COL13A1: variants seen among roughly 807,000 people sequenced by gnomAD.
The protein encoded by COL13A1 is collagen alpha-1(XIII) chain.
A neutral mutation model predicts 130.9 loss-of-function variants in COL13A1; 89 were observed. That is an observed-to-expected ratio of 0.68 (90% CI 0.57 to 0.81). The LOEUF (loss-of-function observed/expected upper bound fraction) is 0.81. Ranked by LOEUF, COL13A1 falls within the 30% of genes least tolerant of loss-of-function variation. COL13A1 has a pLI of 0.00. For synonymous variants in COL13A1, 402 were observed against 341.6 expected, an observed-to-expected ratio of 1.18 and a Z score of -1.95; for missense variants, 879 against 934.6, an observed-to-expected ratio of 0.94 and a Z score of 0.78.
intron 39 of COL13A1, chr10:69,954,966 A>G (rs1480533102): frequency 6.6e-6 from 1 of 152,270 alleles, no homozygotes; most frequent in African/African-American, 2.4e-5. Context: ...TGATCCTCTT[A>G]CTGCAAAAGA....
intron 36 of COL13A1, among the ~76,000 whole-genome samples, chr10:69,944,535 T>A (rs1199442026): frequency 6.6e-6 from 1 of 152,064 alleles, no homozygotes; most frequent in African/African-American, 2.4e-5. Flanking sequence ...GGTGCACACC[T>A]CTAGTCCTAG....
chr10:69,954,626 T>C (rs1164575154), intron 39 of COL13A1, among the ~76,000 whole-genome samples: 1 of 152,200 alleles, frequency 6.6e-6, no homozygotes, highest in African/African-American at 2.4e-5. Context: ...ACCTGCCTAT[T>C]CTTCCAGGTT....
intron 2 of COL13A1, among the ~76,000 whole-genome samples, chr10:69,863,920 T>A (rs1188693335): frequency 6.6e-6 from 1 of 151,844 alleles, no homozygotes; most frequent in Non-Finnish European, 1.5e-5. Context: ...TTACAAAAAA[T>A]ACAGAAATTA....
chr10:69,906,206 C>G (rs1489539403), intron 17 of COL13A1, among the ~76,000 whole-genome samples: 1 of 152,254 alleles, frequency 6.6e-6, no homozygotes, highest in Non-Finnish European at 1.5e-5. Flanking sequence ...GGGAAATATT[C>G]TGGGAGAAGA....
intron 2 of COL13A1, among the ~76,000 whole-genome samples, chr10:69,837,432 G>T (rs909706466): frequency 4.6e-5 from 7 of 152,192 alleles, no homozygotes; most frequent in Non-Finnish European, 1.0e-4. Flanking sequence ...GCCAAGCTGG[G>T]CACCTGGTTC....
chr10:69,925,258 C>T (rs1157373530), intron 25 of COL13A1, among the ~76,000 whole-genome samples: 3 of 152,062 alleles, frequency 2.0e-5, no homozygotes, highest in African/African-American at 7.2e-5. Context: ...GAGCAAGTAG[C>T]GGAATAGTTG....
chr10:69,839,403 A>G (rs117419351), intron 2 of COL13A1, among the ~76,000 whole-genome samples: 1 of 110,984 alleles, frequency 9.0e-6, no homozygotes, highest in Non-Finnish European at 2.1e-5. Flanking sequence ...GATTCCCCCC[A>G]CGGCCCACTT....
At chr10:69,957,887 C>T (rs568970830) in intron 40 of COL13A1, among the ~76,000 whole-genome samples, 2 of 152,164 alleles carry the variant, frequency 1.3e-5, no homozygotes, top group Non-Finnish European at 2.9e-5. Flanking sequence ...ATAAAGGGAC[C>T]GGAGACTCCA....
At chr10:69,830,607 A>T (rs1848594167) in intron 2 of COL13A1, among the ~76,000 whole-genome samples, 1 of 152,240 alleles carries the variant, frequency 6.6e-6, no homozygotes, top group Admixed American at 6.5e-5. Flanking sequence ...GAAATGGTAA[A>T]CATCAAATTC....
chr10:69,897,333 T>G, intron 13 of COL13A1: 1 of 765,832 alleles, frequency 1.3e-6, no homozygotes, highest in Non-Finnish European at 2.0e-6. Context: ...GAAATCCAGG[T>G]GGCCCCTCCT....
chr10:69,904,741 C>T (rs2062564126), intron 15 of COL13A1, among the ~76,000 whole-genome samples, 192 bp from the exon 16 acceptor site: 1 of 152,140 alleles, frequency 6.6e-6, no homozygotes, highest in Non-Finnish European at 1.5e-5. Context: ...AGCCTGTTAT[C>T]CCCACGTGCC....
intron 10 of COL13A1, among the ~76,000 whole-genome samples, chr10:69,893,113 G>C (rs1163916899): frequency 6.6e-6 from 1 of 152,250 alleles, no homozygotes; most frequent in East Asian, 1.9e-4. Context: ...AACTCTGGGA[G>C]GCCAGCACGG....
Position 69,840,097 on chromosome 10 carries a change from C to T in COL13A1, c.364+17659C>T, listed in dbSNP as rs531178056. On this transcript the variant is annotated intron_variant, in intron 2 of 40. Transcript: ENST00000645393. ...GATTTTGGGTATGTGCTAGAGGTGACGCTAGCAGGCCTTGCTGATGGGCTG... is the reference window on the plus strand; with the variant it reads ...GATTTTGGGTATGTGCTAGAGGTGATGCTAGCAGGCCTTGCTGATGGGCTG... 9.2e-5 allele frequency among the ~76,000 whole-genome samples: 14 copies of T among 152,200 alleles called. No homozygotes were observed. The East Asian group carries it at 2.3e-3, about 25-fold the overall frequency.
At position 69,818,872 on chromosome 10, in the gene COL13A1, C is replaced by T. The variant is rs527819508; in HGVS notation, c.295-3497C>T. 1.5e-4 allele frequency among the ~76,000 whole-genome samples: 23 copies of T among 152,340 alleles called. No individual in the cohort carries two copies. In the South Asian group the frequency reaches 3.7e-3, roughly 25 times the overall value. ...TGAGTCTACTAATTCCAGTGCTAAT[C>T]GACATACCTAGAAAGAATGTTTTCC... On this transcript the variant is annotated intron_variant, in intron 1 of 40. Coordinates refer to ENST00000645393, the MANE Select transcript of COL13A1 (RefSeq NM_001368882.1).
At position 69,905,672 on chromosome 10, in the gene COL13A1, G is replaced by T. The variant is rs2062675970; in HGVS notation, c.886-115G>T. 5 of 1,130,842 alleles carry T rather than the reference G, an allele frequency of 4.4e-6. No homozygotes were observed. In the Admixed American group the frequency reaches 7.9e-5, roughly 18 times the overall value. The allele number at this position is 1,130,842 out of a possible 1,614,324, so 70.1% of individuals were successfully genotyped here. On this transcript the variant is annotated intron_variant, in intron 16 of 40. Transcript: ENST00000645393. ...AAGGCTGGAGATGGGTGTTGAAGGG[G>T]CAGTGGAACTTGGAGTCATCGAGAG...
chr10:69,849,556 C>T (rs1854137906), intron 2 of COL13A1, among the ~76,000 whole-genome samples: 1 of 152,322 alleles, frequency 6.6e-6, no homozygotes, highest in South Asian at 2.1e-4. Context: ...TTTCACATCT[C>T]CTTTTTATCT....
At chr10:69,825,342 T>C (rs947205940) in intron 2 of COL13A1, among the ~76,000 whole-genome samples, 3 of 152,230 alleles carry the variant, frequency 2.0e-5, no homozygotes, top group Non-Finnish European at 4.4e-5. Flanking sequence ...TCCTGATCCT[T>C]GCAGAAGGAC....
chr10:69,926,457 G>C (rs190977765), intron 26 of COL13A1, among the ~76,000 whole-genome samples: 1 of 152,158 alleles, frequency 6.6e-6, no homozygotes, highest in Non-Finnish European at 1.5e-5. Flanking sequence ...AGTAGCACCC[G>C]AGCCTCAGCT....
chr10:69,920,837 G>A (rs993264069), intron 21 of COL13A1, among the ~76,000 whole-genome samples: 24 of 152,118 alleles, frequency 1.6e-4, no homozygotes, highest in African/African-American at 2.9e-4. Context: ...AGACGGGCTC[G>A]ACCTGCCTCT....
Sources: allele counts gnomAD v4.1 joint callset (sites outside exome capture counted in the v4.1 genomes callset), GRCh38; gene constraint gnomAD v4.1.1; transcripts MANE v1.5; gene names NCBI Gene and HGNC (gene_info 2026-07-23, HGNC 2026-07-21).